ADRA1D: variants seen among roughly 807,000 people sequenced by gnomAD.
The protein encoded by ADRA1D is adrenoceptor alpha 1D, also known as alpha-1D adrenergic receptor.
Under a neutral mutation model 18.6 loss-of-function variants are expected in ADRA1D, and 22 were observed. That is an observed-to-expected ratio of 1.19 (90% CI 0.85 to 1.69). The LOEUF (loss-of-function observed/expected upper bound fraction) is 1.69, where lower values mean the gene tolerates loss of function less well. ADRA1D is among the 40% of genes most tolerant of loss of function. The probability of loss-of-function intolerance (pLI) is 0.00; values close to 1 mark genes in which losing one functional copy is unlikely to be tolerated. For missense variants in ADRA1D, 840 were observed against 840.7 expected (o/e 1.00, Z 0.01); for synonymous variants, 376 against 388.2 (o/e 0.97, Z 0.37).
intron 1 of ADRA1D, among the ~76,000 whole-genome samples, chr20:4,232,500 C>T (rs572352231): frequency 6.6e-6 from 1 of 152,340 alleles, no homozygotes; most frequent in African/African-American, 2.4e-5. Flanking sequence ...AGCTCCACGT[C>T]CATCCATCCA....
intron 1 of ADRA1D, among the ~76,000 whole-genome samples, chr20:4,232,935 C>T (rs984578305): frequency 7.2e-5 from 11 of 152,202 alleles, no homozygotes; most frequent in African/African-American, 2.7e-4. Flanking sequence ...TTTGCCTCAA[C>T]CACACCCTGG....
At chr20:4,242,056 A>G (rs973572552) in intron 1 of ADRA1D, among the ~76,000 whole-genome samples, 2 of 152,230 alleles carry the variant, frequency 1.3e-5, no homozygotes, top group African/African-American at 4.8e-5. Flanking sequence ...ATTCTCTTCC[A>G]GTTAGTACAC....
At chr20:4,225,817 C>T (rs1409852218) in intron 1 of ADRA1D, among the ~76,000 whole-genome samples, 3 of 151,536 alleles carry the variant, frequency 2.0e-5, no homozygotes, top group Non-Finnish European at 4.4e-5. Flanking sequence ...TGGCCAGAAA[C>T]AGCAGCTGAG....
chr20:4,241,706 A>G (rs1379404025), intron 1 of ADRA1D, among the ~76,000 whole-genome samples: 1 of 152,126 alleles, frequency 6.6e-6, no homozygotes, highest in Non-Finnish European at 1.5e-5. Flanking sequence ...CCCTTCATCC[A>G]CAGACCCCTG....
chr20:4,243,062 A>G (rs1361164337), intron 1 of ADRA1D, among the ~76,000 whole-genome samples: 1 of 152,106 alleles, frequency 6.6e-6, no homozygotes, highest in East Asian at 1.9e-4. Flanking sequence ...TGCCTGGGGC[A>G]GGGTTTCCCC....
intron 1 of ADRA1D, among the ~76,000 whole-genome samples, chr20:4,243,835 T>G (rs1389342533): frequency 6.6e-6 from 1 of 152,184 alleles, no homozygotes; most frequent in East Asian, 1.9e-4. Flanking sequence ...TGGTTGACCC[T>G]CTGCCTGCCT....
rs748420245 is a variant in ADRA1D at position 4,248,211 on chromosome 20, G to A, written c.747C>T (p.Thr249=). Residue 249 remains threonine, a synonymous_variant, in exon 1 of 2, where the codon ACC becomes ACT. Coordinates refer to ENST00000379453, the MANE Select transcript of ADRA1D (RefSeq NM_000678.4). The stretch of plus-strand genomic sequence containing the variant: ...AGAAGACAGCGTAGCCCGCCTCCTC[G>A]GTGATACCGCAGAAGCGCTCGTCAG... ...VPPDERFCGI[T]EEAGYAVFSS... The A allele has an allele frequency of 1.0e-5, 16 of 1,595,710 alleles. No individual in the cohort carries two copies. In the East Asian group the frequency reaches 2.3e-4, roughly 23 times the overall value.
intron 1 of ADRA1D, among the ~76,000 whole-genome samples, chr20:4,224,997 T>G (rs960340095): frequency 4.2e-4 from 61 of 145,086 alleles, no homozygotes; most frequent in African/African-American, 1.6e-3. Flanking sequence ...ATCTAAGTTT[T>G]TTTTTTTTTT....
rs140757311 is a variant in ADRA1D at position 4,222,810 on chromosome 20, T to C, written c.1112-680A>G. Among the ~76,000 whole-genome samples the C allele has an allele frequency of 4.0e-3, 602 of 152,356 alleles. 5 individuals are homozygous for C. Among genetic ancestry groups the C allele is most frequent in the African/African-American group, 0.014 (568 of 41,574 alleles). On this transcript the variant is annotated intron_variant, in intron 1 of 1. Coordinates refer to ENST00000379453, the MANE Select transcript of ADRA1D (RefSeq NM_000678.4). The surrounding 1 kb of genome is among the most constrained non-coding windows in gnomAD (Gnocchi z 4.3). ...ACATATGGAACCCGCGCTACCTATA[T>C]ATAAACAGTAGATTAAACTACTGTG...
intron 1 of ADRA1D, among the ~76,000 whole-genome samples, chr20:4,231,648 T>C (rs1474538709): frequency 6.6e-6 from 1 of 152,164 alleles, no homozygotes; most frequent in Non-Finnish European, 1.5e-5. Flanking sequence ...GCCTTTTATG[T>C]AGTTCTCGAT....
intron 1 of ADRA1D, among the ~76,000 whole-genome samples, chr20:4,235,890 G>T (rs1368133616): frequency 6.6e-6 from 1 of 152,224 alleles, no homozygotes; most frequent in Non-Finnish European, 1.5e-5. Context: ...TGGGCTTAGG[G>T]ACTCAGAGAC....
intron 1 of ADRA1D, among the ~76,000 whole-genome samples, chr20:4,231,038 T>TTTTCTTTTTCTTTCTTTCTTTCTTTC (rs1555821020): frequency 3.7e-5 from 4 of 108,520 alleles, no homozygotes; most frequent in Non-Finnish European, 7.3e-5. Flanking sequence ...CTTTCTTTCT[T>TTTTCTTTTTCTTTCTTTCTTTCTTTC]TTTCTTTCTT....
chr20:4,246,974 A>G (rs1401174387), intron 1 of ADRA1D, among the ~76,000 whole-genome samples: 2 of 151,368 alleles, frequency 1.3e-5, no homozygotes, highest in East Asian at 4.3e-4. Context: ...GGTTGCAGCC[A>G]TGGGTGGATC....
rs767819180 is a variant in ADRA1D, at chr20:4,221,823, TTCGGGG to T, written c.1413_1418del (p.Asp471_Pro472del). ...CCTGCATCTCGGGCGTGCCTGGGGG[TTCGGGG>T]TCGGGGTCGGGGAGCGCGGTGAGGG... On this transcript the variant is annotated inframe_deletion, in exon 2 of 2. Transcript: ENST00000379453. 17 of 1,526,576 alleles carry T rather than the reference TTCGGGG, an allele frequency of 1.1e-5. No homozygotes were observed. The highest frequency in any genetic ancestry group is 1.5e-5 in the Non-Finnish European group (17 of 1,141,896). The allele number at this position is 1,526,576 out of a possible 1,614,324, so 94.6% of individuals were successfully genotyped here.
chr20:4,248,938 A>C lies in ADRA1D; in HGVS notation c.20T>G (p.Leu7Arg), dbSNP rs760088666. The change falls in exon 1 of 2, where the codon CTG (leucine) becomes CGG (arginine). Residue 7 changes from leucine (L) to arginine (R), a missense_variant. Physicochemically the swap from Leu to Arg is moderately radical, Grantham distance 102. Transcript: ENST00000379453. ...GCGGGGTCCCTCGAAACTGACGCTC[A>C]GGAGATCGCGGAAAGTCATCTCAAC... MTFRDL[L>R]SVSFEGPRPD... 3.0e-6 allele frequency: 4 copies of C among 1,349,522 alleles called. No individual in the cohort carries two copies. In the South Asian group the frequency reaches 4.3e-5, roughly 14 times the overall value. 83.6% of individuals were successfully genotyped at this position (1,349,522 alleles called of 1,614,324 possible).
At chr20:4,238,060 C>T (rs1186330027) in intron 1 of ADRA1D, among the ~76,000 whole-genome samples, 4 of 146,034 alleles carry the variant, frequency 2.7e-5, no homozygotes, top group Non-Finnish European at 6.0e-5. Context: ...CCAGCCTGGC[C>T]AACATGGTGA....
intron 1 of ADRA1D, among the ~76,000 whole-genome samples, chr20:4,241,335 G>A (rs995923579): frequency 1.3e-5 from 2 of 152,174 alleles, no homozygotes; most frequent in Non-Finnish European, 2.9e-5. Flanking sequence ...ATGTGCAACA[G>A]TATCACATGA....
chr20:4,233,795 G>GT (rs1273099556), intron 1 of ADRA1D, among the ~76,000 whole-genome samples: 1 of 152,178 alleles, frequency 6.6e-6, no homozygotes, highest in African/African-American at 2.4e-5. Flanking sequence ...TTGCAGTGGG[G>GT]TGGGGGGGTG....
At position 4,247,974 on chromosome 20, in the gene ADRA1D, G is replaced by A. The variant is rs747101175; in HGVS notation, c.984C>T (p.Thr328=). The change falls in exon 1 of 2, where the codon ACC becomes ACT. Residue 328 remains threonine (T), a synonymous_variant. Transcript: ENST00000379453. ...GGCGCACGGAGAGCGAGCTGCGGAA[G>A]GTGTGGCCCTTGGCGCTGCGCATGC... ...AHGMRSAKGH[T]FRSSLSVRLL... The A allele has an allele frequency of 1.3e-6, 2 of 1,583,728 alleles. No homozygotes were observed. The highest frequency in any genetic ancestry group is 1.7e-6 in the Non-Finnish European group (2 of 1,165,798).
Sources: gnomAD v4.1 joint callset for allele counts (sites outside exome capture counted in the v4.1 genomes callset) on GRCh38, gnomAD v4.1.1 for gene constraint, Gnocchi (gnomAD v3.1) non-coding constraint, MANE v1.5 for transcripts, NCBI Gene and HGNC (gene_info 2026-07-23, HGNC 2026-07-21) for gene names.